Variants in TP63 observed in about 807,000 individuals in gnomAD.
TP63 encodes the protein tumor protein 63.
In TP63, 17 loss-of-function variants were observed where a neutral mutation model predicts 82.8. The ratio of observed to expected loss-of-function variants is 0.21; its 90% CI spans 0.14 to 0.31. The LOEUF is 0.31. Among genes scored for constraint, TP63 ranks in the 10% least tolerant of loss-of-function variants. The probability of loss-of-function intolerance (pLI) is 1.00; values close to 1 mark genes in which losing one functional copy is unlikely to be tolerated. For missense variants in TP63, 648 were observed against 895.3 expected (o/e 0.72, Z 3.52); for synonymous variants, 330 against 321.7 (o/e 1.03, Z -0.28).
chr3:189,599,936 C>T, the TP63 span, among the ~76,000 whole-genome samples: 1 of 152,246 alleles, frequency 6.6e-6, no homozygotes, highest in African/African-American at 2.4e-5. Flanking sequence ...TATGCATATG[C>T]TCTGTGGGAT....
chr3:189,803,467 A>C (rs1442282654), intron 3 of TP63, among the ~76,000 whole-genome samples: 1 of 152,250 alleles, frequency 6.6e-6, no homozygotes, highest in Non-Finnish European at 1.5e-5. Flanking sequence ...AACTTTAAGT[A>C]AATATAAATC....
intron 1 of TP63, among the ~76,000 whole-genome samples, chr3:189,693,323 C>T (rs1717093578): frequency 6.6e-6 from 1 of 152,148 alleles, no homozygotes; most frequent in Non-Finnish European, 1.5e-5. Flanking sequence ...TCCCTACGTT[C>T]GTATTCTGCA....
At chr3:189,785,262 A>C (rs1217172532) in intron 3 of TP63, among the ~76,000 whole-genome samples, 1 of 152,048 alleles carries the variant, frequency 6.6e-6, no homozygotes, top group African/African-American at 2.4e-5. Flanking sequence ...CTCATAATAA[A>C]TGCTTTGGGT....
chr3:189,879,674 G>A (rs1309734220), intron 10 of TP63, among the ~76,000 whole-genome samples: 1 of 151,904 alleles, frequency 6.6e-6, no homozygotes. Flanking sequence ...CGTATGCGAA[G>A]CACTGTGTTA....
intron 1 of TP63, among the ~76,000 whole-genome samples, chr3:189,640,266 A>G (rs1227835610): frequency 1.3e-5 from 2 of 152,086 alleles, no homozygotes; most frequent in Non-Finnish European, 2.9e-5. Context: ...TATCTCAGGC[A>G]ATAAATGAGA....
At chr3:189,789,741 G>C in intron 3 of TP63, 1 of 1,543,684 alleles carries the variant, frequency 6.5e-7, no homozygotes, top group Non-Finnish European at 8.7e-7. Context: ...GGGTGGGGGG[G>C]TTGGCAAAAT....
At chr3:189,614,500 GCACCC>G in the TP63 span, among the ~76,000 whole-genome samples, 158 of 152,294 alleles carry the variant, frequency 1.0e-3, 6 homozygotes, top group South Asian at 0.032. Context: ...TGTATTGACA[GCACCC>G]CAGGCAACTT....
intron 1 of TP63, among the ~76,000 whole-genome samples, chr3:189,709,236 T>C (rs1408281834): frequency 6.6e-6 from 1 of 152,170 alleles, no homozygotes; most frequent in Non-Finnish European, 1.5e-5. Flanking sequence ...CCTTTTGGTA[T>C]GATTTTAAAT....
chr3:189,814,783 G>C (rs1019863397), intron 4 of TP63, among the ~76,000 whole-genome samples: 1 of 152,138 alleles, frequency 6.6e-6, no homozygotes, highest in African/African-American at 2.4e-5. Context: ...TCTTGCCTGA[G>C]TTTTAGATTG....
rs530936206 is a variant in TP63, at chr3:189,652,736, G to A, written c.62+21159G>A. Among the ~76,000 whole-genome samples, 3 of 146,890 alleles carry A rather than the reference G, an allele frequency of 2.0e-5. 1 individual carries two copies. The East Asian group carries it at 7.2e-4, about 35-fold the overall frequency. On this transcript the variant is annotated intron_variant, in intron 1 of 13. Coordinates refer to ENST00000264731, the MANE Select transcript of TP63 (RefSeq NM_003722.5). ...TCCCCACGTGTCATGGGAGGGATCA[G>A]GTGGAGATAATTGAATCATGGGAGC...
At chr3:189,684,324 C>T (rs1247424626) in intron 1 of TP63, among the ~76,000 whole-genome samples, 1 of 152,044 alleles carries the variant, frequency 6.6e-6, no homozygotes, top group African/African-American at 2.4e-5. Context: ...AATCATCATA[C>T]ACATTATAAA....
At chr3:189,750,621 A>T (rs73055259) in intron 3 of TP63, among the ~76,000 whole-genome samples, 5,619 of 152,250 alleles carry the variant, frequency 0.037, 344 homozygotes, top group African/African-American at 0.13. Flanking sequence ...CAATTAAAAA[A>T]TATTGAGGAT....
Position 189,831,901 on chromosome 3 carries a change from G to A in TP63, c.579+23375G>A, listed in dbSNP as rs532207878. On this transcript the variant is annotated intron_variant, in intron 4 of 13. Coordinates refer to ENST00000264731, the MANE Select transcript of TP63 (RefSeq NM_003722.5). ...CTGGAGGGCGGTGGCGTGATATCTC[G>A]GCTCACTGCAACCTCCGCCTCCAGG... 1.8e-4 allele frequency among the ~76,000 whole-genome samples: 25 copies of A among 135,406 alleles called. No individual in the cohort carries two copies. In the South Asian group the frequency reaches 5.6e-3, roughly 30 times the overall value. The allele number at this position is 135,406 out of a possible 152,430, so 88.8% of individuals were successfully genotyped here. A position where few individuals can be genotyped will look rare whatever the true frequency, so the allele number is the denominator to read the frequency against.
chr3:189,743,107 C>T (rs937518350), intron 3 of TP63, among the ~76,000 whole-genome samples: 10 of 151,886 alleles, frequency 6.6e-5, no homozygotes, highest in Non-Finnish European at 1.5e-4. Context: ...TTAATAACCC[C>T]AATAAACTAA....
At chr3:189,766,079 T>C (rs1013781318) in intron 3 of TP63, among the ~76,000 whole-genome samples, 26 of 152,298 alleles carry the variant, frequency 1.7e-4, no homozygotes, top group African/African-American at 5.8e-4. Flanking sequence ...TGAATGCCTG[T>C]AGTCCCAGCT....
intron 1 of TP63, among the ~76,000 whole-genome samples, chr3:189,655,278 A>G (rs1355797689): frequency 1.3e-5 from 2 of 152,180 alleles, no homozygotes; most frequent in Non-Finnish European, 2.9e-5. Context: ...GGACAAATCA[A>G]TAACTTTTTT....
intron 1 of TP63, among the ~76,000 whole-genome samples, chr3:189,640,337 A>G (rs1711715669): frequency 6.6e-6 from 1 of 152,146 alleles, no homozygotes; most frequent in Non-Finnish European, 1.5e-5. Context: ...TCAGCATCTT[A>G]ATTGATACTG....
rs1172154501 is a variant in TP63 at position 189,897,029 on chromosome 3, T to A, written c.*2527T>A. 8.8e-6 allele frequency: 2 copies of A among 226,408 alleles called. No individual in the cohort carries two copies. The highest frequency in any genetic ancestry group is 1.8e-5 in the Non-Finnish European group (2 of 113,744). The allele number at this position is 226,408 out of a possible 1,614,324, so 14.0% of individuals were successfully genotyped here. On this transcript the variant is annotated 3_prime_UTR_variant, in exon 14 of 14. Transcript: ENST00000264731. The stretch of plus-strand genomic sequence containing the variant: ...ATAACAGTATGTGGGATATTGAATG[T>A]TAAAGGGATATTTTTTTCTATTATT...
rs1720794541 is a variant in TP63, at chr3:189,889,448, C to A, written c.1616C>A (p.Pro539His). ...LSMPSTSHCT[P>H]PPPYPTDCSI... ...ATGCCATCCACCTCCCACTGCACAC[C>A]CCCACCTCCGTATCCCACAGATTGC... The change falls in exon 12 of 14, where the codon CCC (proline) becomes CAC (histidine). Residue 539 changes from proline (P) to histidine (H), a missense_variant. Pro to His is a moderately conservative substitution (Grantham distance 77). Coordinates refer to ENST00000264731, the MANE Select transcript of TP63 (RefSeq NM_003722.5). 6.2e-7 allele frequency: 1 copy of A among 1,614,054 alleles called. No homozygotes were observed. Among genetic ancestry groups the A allele is most frequent in the African/African-American group, 1.3e-5 (1 of 74,950 alleles).
Sources: allele counts gnomAD v4.1 joint callset (sites outside exome capture counted in the v4.1 genomes callset), GRCh38; gene constraint gnomAD v4.1.1; transcripts MANE v1.5; gene names NCBI Gene and HGNC (gene_info 2026-07-23, HGNC 2026-07-21).